Variants in CTR9 observed in about 807,000 individuals in gnomAD.
CTR9 encodes the protein RNA polymerase-associated protein CTR9 homolog.
A neutral mutation model predicts 152.1 loss-of-function variants in CTR9; 41 were observed. The ratio of observed to expected loss-of-function variants is 0.27; its 90% CI spans 0.21 to 0.35. The LOEUF is 0.35. Among genes scored for constraint, CTR9 ranks in the 10% least tolerant of loss-of-function variants. The probability of loss-of-function intolerance (pLI) is 1.00; values close to 1 mark genes in which losing one functional copy is unlikely to be tolerated. For missense variants in CTR9, 917 were observed against 1,424.4 expected (o/e 0.64, Z 5.73); for synonymous variants, 476 against 496.2 (o/e 0.96, Z 0.54).
chr11:10,776,971 G>GAAAAAAAAAAAAAAAAAAAAAAAA lies in CTR9; in HGVS notation c.3095+1340_3095+1363dup. On this transcript the variant is annotated intron_variant, in intron 24 of 24. Coordinates refer to ENST00000361367, the MANE Select transcript of CTR9 (RefSeq NM_014633.5). Reference sequence around the variant, plus strand: ...CTGGGCAACAGAATGAGACTCTTGTGAAAAAAAAAAAAAAAAAAAAAAAAA... The same window carrying GAAAAAAAAAAAAAAAAAAAAAAAA: ...CTGGGCAACAGAATGAGACTCTTGTGAAAAAAAAAAAAAAAAAAAAAAAAAAAAAAAAAAAAAAAAAAAAAAAAA... Among the ~76,000 whole-genome samples the GAAAAAAAAAAAAAAAAAAAAAAAA allele has an allele frequency of 3.2e-5, 2 of 63,236 alleles. 1 individual carries two copies. Among genetic ancestry groups the GAAAAAAAAAAAAAAAAAAAAAAAA allele is most frequent in the Non-Finnish European group, 5.6e-5 (2 of 35,532 alleles). The allele number at this position is 63,236 out of a possible 152,430, so 41.5% of individuals were successfully genotyped here.
intron 24 of CTR9, among the ~76,000 whole-genome samples, chr11:10,776,448 G>C (rs1564973432): frequency 6.6e-6 from 1 of 152,132 alleles, no homozygotes; most frequent in Admixed American, 6.5e-5. Flanking sequence ...TCCTAAACTT[G>C]CTCCTCAAGC....
chr11:10,768,505 TTTCAAGATA>T lies in CTR9; in HGVS notation c.2109+17_2109+25del, dbSNP rs779692011. ...GCCGTTCAGATGGTAATAGCTTCTC[TTTCAAGATA>T]TTTTTATATCTTGTTCATTGTTAAG... On this transcript the variant is annotated intron_variant, in intron 16 of 24. Coordinates refer to ENST00000361367, the MANE Select transcript of CTR9 (RefSeq NM_014633.5). 1 of 1,578,358 alleles carries T rather than the reference TTTCAAGATA, an allele frequency of 6.3e-7. No homozygotes were observed. The highest frequency in any genetic ancestry group is 8.6e-7 in the Non-Finnish European group (1 of 1,165,942).
chr11:10,771,610 A>G lies in CTR9; in HGVS notation c.2438A>G (p.Glu813Gly). 6.2e-7 allele frequency: 1 copy of G among 1,610,250 alleles called. No individual in the cohort carries two copies. The highest frequency in any genetic ancestry group is 8.5e-7 in the Non-Finnish European group (1 of 1,176,536). The change falls in exon 19 of 25, where the codon GAA becomes GGA. Residue 813 changes from glutamate to glycine, a missense_variant. Around this residue, in one of 9 missense-constraint regions of CTR9, gnomAD observed 106 missense variants for 157.8 expected, o/e 0.67. Coordinates refer to ENST00000361367, the MANE Select transcript of CTR9 (RefSeq NM_014633.5). ...MRFDLALAAT[E>G]ARQCSDLLSQ... ...TTTGATTTGGCCCTTGCTGCTACAGAAGCCAGGTAATGTTACTATTTATGG... is the reference window on the plus strand; with the variant it reads ...TTTGATTTGGCCCTTGCTGCTACAGGAGCCAGGTAATGTTACTATTTATGG...
At chr11:10,751,940 C>G (rs1300753028) in intron 1 of CTR9, among the ~76,000 whole-genome samples, 2 of 152,102 alleles carry the variant, frequency 1.3e-5, no homozygotes, top group Non-Finnish European at 2.9e-5. Context: ...ACCAACTCTC[C>G]TTCAACGAGA....
At chr11:10,761,821 C>T in intron 6 of CTR9, 126 bp from the exon 7 acceptor site, 2 of 522,142 alleles carry the variant, frequency 3.8e-6, no homozygotes, top group Middle Eastern at 4.5e-4. Flanking sequence ...TCATAAGAAG[C>T]TTCTAATCCG....
At position 10,751,264 on chromosome 11, in the gene CTR9, G is replaced by A. The variant is rs968685913; in HGVS notation, c.-149G>A. ...GCTGCTCGTTGTTTAAGCGGCTGAC[G>A]GGAAGGAGAAGCCAGAGCTCCAGCG... On this transcript the variant is annotated 5_prime_UTR_variant, in exon 1 of 25. Coordinates refer to ENST00000361367, the MANE Select transcript of CTR9 (RefSeq NM_014633.5). 1.0e-5 allele frequency: 8 copies of A among 764,554 alleles called. No homozygotes were observed. The highest frequency in any genetic ancestry group is 1.5e-5 in the Non-Finnish European group (7 of 466,298). 47.4% of individuals were successfully genotyped at this position (764,554 alleles called of 1,614,324 possible). A position where few individuals can be genotyped will look rare whatever the true frequency, so the allele number is the denominator to read the frequency against.
chr11:10,779,264 C>T lies in CTR9; in HGVS notation c.*159C>T. The T allele has an allele frequency of 3.0e-6, 2 of 677,554 alleles. No homozygotes were observed. The highest frequency in any genetic ancestry group is 4.8e-6 in the Non-Finnish European group (2 of 412,972). The allele number at this position is 677,554 out of a possible 1,614,324, so 42.0% of individuals were successfully genotyped here. A position where few individuals can be genotyped will look rare whatever the true frequency, so the allele number is the denominator to read the frequency against. ...TATTACTAAGCCCCAAGAGACATTT[C>T]CTGTGCTAGAGTCCAATATTTGAGT... is the stretch of plus-strand genomic sequence containing the variant. On this transcript the variant is annotated 3_prime_UTR_variant, in exon 25 of 25. Coordinates refer to ENST00000361367, the MANE Select transcript of CTR9 (RefSeq NM_014633.5).
rs1462814342 is a variant in CTR9 at position 10,779,236 on chromosome 11, G to A, written c.*131G>A. The A allele has an allele frequency of 2.5e-5, 21 of 853,724 alleles. No homozygotes were observed. The highest frequency in any genetic ancestry group is 3.5e-5 in the Non-Finnish European group (20 of 569,712). The allele number at this position is 853,724 out of a possible 1,614,324, so 52.9% of individuals were successfully genotyped here. A position where few individuals can be genotyped will look rare whatever the true frequency, so the allele number is the denominator to read the frequency against. On this transcript the variant is annotated 3_prime_UTR_variant, in exon 25 of 25. Transcript: ENST00000361367. ...AGGCAATTTTCTTTTCTATCAGTTT[G>A]TATATTACTAAGCCCCAAGAGACAT... is the stretch of plus-strand genomic sequence containing the variant.
In CTR9 at chr11:10,751,288, C is replaced by A; in HGVS notation, c.-125C>A. 2 of 1,006,586 alleles carry A rather than the reference C, an allele frequency of 2.0e-6. No homozygotes were observed. Among genetic ancestry groups the A allele is most frequent in the South Asian group, 1.4e-5 (1 of 73,238 alleles). 62.4% of individuals were successfully genotyped at this position (1,006,586 alleles called of 1,614,324 possible). A position where few individuals can be genotyped will look rare whatever the true frequency, so the allele number is the denominator to read the frequency against. On this transcript the variant is annotated 5_prime_UTR_variant, in exon 1 of 25. Transcript: ENST00000361367. ...CGGGAAGGAGAAGCCAGAGCTCCAG[C>A]GGCGCCGCGGGGCGGCAGTCAAGAC...
chr11:10,755,853 A>G lies in CTR9; in HGVS notation c.502+58A>G, dbSNP rs1318623076. On this transcript the variant is annotated intron_variant, in intron 4 of 24. Coordinates refer to ENST00000361367, the MANE Select transcript of CTR9 (RefSeq NM_014633.5). ...GTTGTTTTCAGCATATGCCTAGAAT[A>G]TATCTCTTGGTAATAGCTCCTTAAT... The G allele has an allele frequency of 5.0e-6, 5 of 996,396 alleles. No individual in the cohort carries two copies. In the African/African-American group the frequency reaches 6.4e-5, roughly 13 times the overall value. 61.7% of individuals were successfully genotyped at this position (996,396 alleles called of 1,614,324 possible).
chr11:10,755,645 G>A (rs758864872), intron 3 of CTR9, 33 bp from the exon 4 acceptor site: 3 of 1,363,850 alleles, frequency 2.2e-6, no homozygotes, highest in African/African-American at 2.9e-5. Context: ...TGGTATATAG[G>A]GGTAAAATCT....
At chr11:10,769,731 A>G (rs762029308) in intron 16 of CTR9, among the ~76,000 whole-genome samples, 6 of 152,256 alleles carry the variant, frequency 3.9e-5, no homozygotes, top group South Asian at 4.1e-4. Context: ...TCATGTCACA[A>G]TTAACACTAG....
chr11:10,754,096 C>T (rs1247031434), intron 2 of CTR9, among the ~76,000 whole-genome samples: 1 of 152,172 alleles, frequency 6.6e-6, no homozygotes, highest in East Asian at 1.9e-4. Context: ...TAGACTCAAA[C>T]TCCTGGGCTC....
intron 16 of CTR9, among the ~76,000 whole-genome samples, chr11:10,769,290 A>G (rs1863106282): frequency 6.6e-6 from 1 of 152,232 alleles, no homozygotes. Flanking sequence ...TTTTATGCTT[A>G]CATTTGTTGA....
At chr11:10,769,905 T>C (rs1302339704) in intron 16 of CTR9, among the ~76,000 whole-genome samples, 2 of 152,226 alleles carry the variant, frequency 1.3e-5, no homozygotes. Context: ...TTCTAGATAG[T>C]ATTGCTAAAA....
At chr11:10,760,424 C>T in intron 6 of CTR9, 103 bp downstream of exon 6, 1 of 1,119,950 alleles carries the variant, frequency 8.9e-7, no homozygotes, top group Non-Finnish European at 1.3e-6. Context: ...ATTAAGATTA[C>T]AGATTACAGA....
Position 10,766,390 on chromosome 11 carries a change from A to G in CTR9, c.1598-12A>G, listed in dbSNP as rs1863060423. 6.3e-7 allele frequency: 1 copy of G among 1,590,544 alleles called. No individual in the cohort carries two copies. The highest frequency in any genetic ancestry group is 1.4e-5 in the African/African-American group (1 of 73,566). Reference sequence around the variant, plus strand: ...ATATTTGGGATATAAAAACTTTTAAATATGTTTTCAGGCTATTTGCGCCTA... The same window carrying G: ...ATATTTGGGATATAAAAACTTTTAAGTATGTTTTCAGGCTATTTGCGCCTA... On this transcript the variant is annotated splice_polypyrimidine_tract_variant and intron_variant, in intron 12 of 24. Coordinates refer to ENST00000361367, the MANE Select transcript of CTR9 (RefSeq NM_014633.5).
chr11:10,758,464 A>G (rs1862921569), intron 5 of CTR9, among the ~76,000 whole-genome samples: 3 of 152,220 alleles, frequency 2.0e-5, no homozygotes. Context: ...GATGTATAAG[A>G]CAGAGAGGAA....
chr11:10,763,713 C>T lies in CTR9; in HGVS notation c.1028C>T (p.Pro343Leu). The T allele has an allele frequency of 6.2e-7, 1 of 1,614,018 alleles. No homozygotes were observed. Among genetic ancestry groups the T allele is most frequent in the Non-Finnish European group, 8.5e-7 (1 of 1,179,994 alleles). The change falls in exon 9 of 25, where the codon CCA becomes CTA. Residue 343 changes from proline to leucine, a missense_variant. Pro to Leu is a moderately conservative substitution (Grantham distance 98). Around this residue, in one of 9 missense-constraint regions of CTR9, gnomAD observed 133 missense variants for 244.1 expected, o/e 0.54. Transcript: ENST00000361367. ...TQFASSSFVL[P>L]FFGLGQMYIY... Reference sequence around the variant, plus strand: ...TTTGCCTCATCCTCTTTTGTGCTCCCATTTTTTGGTTTGGGACAAATGTAT... The same window carrying T: ...TTTGCCTCATCCTCTTTTGTGCTCCTATTTTTTGGTTTGGGACAAATGTAT...
Sources: allele counts gnomAD v4.1 joint callset (sites outside exome capture counted in the v4.1 genomes callset), GRCh38; gene constraint gnomAD v4.1.1; regional missense constraint gnomAD v4.1.1; transcripts MANE v1.5; gene names NCBI Gene and HGNC (gene_info 2026-07-23, HGNC 2026-07-21).